Variants in HS2ST1 observed in about 807,000 individuals in gnomAD.
The protein encoded by HS2ST1 is 2-O-sulfotransferase.
A neutral mutation model predicts 42.9 loss-of-function variants in HS2ST1; 18 were observed. The ratio of observed to expected loss-of-function variants is 0.42; its 90% CI spans 0.29 to 0.62. The LOEUF (loss-of-function observed/expected upper bound fraction) is 0.62, where lower values mean the gene tolerates loss of function less well. HS2ST1 is among the 20% of genes least tolerant of loss of function. HS2ST1 has a pLI of 0.21. For missense variants in HS2ST1, 334 were observed against 433.8 expected (o/e 0.77, Z 2.04); for synonymous variants, 146 against 152.9 (o/e 0.95, Z 0.33).
At chr1:87,049,915 T>C (rs930832387) in intron 1 of HS2ST1, among the ~76,000 whole-genome samples, 1 of 152,098 alleles carries the variant, frequency 6.6e-6, no homozygotes, top group Non-Finnish European at 1.5e-5. Flanking sequence ...TCATATGTTT[T>C]TAAAACTCTC....
At chr1:87,082,233 TGAGATATCATTCATCCTCAG>T (rs1651711097) in intron 2 of HS2ST1, among the ~76,000 whole-genome samples, 1 of 152,130 alleles carries the variant, frequency 6.6e-6, no homozygotes, top group South Asian at 2.1e-4. Context: ...ACACATTGGA[TGAGATATCATTCATCCTCAG>T]GAGAGGGTTT....
chr1:87,060,756 A>G lies in HS2ST1; in HGVS notation c.125-12178A>G, dbSNP rs549989383. On this transcript the variant is annotated intron_variant, in intron 1 of 6. Transcript: ENST00000370550. ...TTCACATTGTTAAATTAATGTAATA[A>G]CTGTAGAAAAGTATAGCCATAGCCA... Among the ~76,000 whole-genome samples, 3 of 152,290 alleles carry G rather than the reference A, an allele frequency of 2.0e-5. No individual in the cohort carries two copies. In the South Asian group the frequency reaches 6.2e-4, roughly 32 times the overall value.
At chr1:86,920,409 A>G (rs924608960) in intron 1 of HS2ST1, among the ~76,000 whole-genome samples, 1 of 152,160 alleles carries the variant, frequency 6.6e-6, no homozygotes, top group East Asian at 1.9e-4. Context: ...AGATTTCCTC[A>G]CTTCTGAAAT....
Position 87,104,540 on chromosome 1 carries a change from G to C in HS2ST1, c.915G>C (p.Gln305His), listed in dbSNP as rs772130541. ...CTAAACAAACCATTGCAAAACTACA[G>C]CAATCTGATATTTGGAAAATGGAGA... ...LPTKQTIAKL[Q>H]QSDIWKMENE... The change falls in exon 7 of 7, where the codon CAG (glutamine) becomes CAC (histidine). Residue 305 changes from glutamine (Q) to histidine (H), a missense_variant. Gln to His is a conservative substitution (Grantham distance 24, BLOSUM62 0). Coordinates refer to ENST00000370550, the MANE Select transcript of HS2ST1 (RefSeq NM_012262.4). 6.2e-7 allele frequency: 1 copy of C among 1,613,368 alleles called. No homozygotes were observed. Among genetic ancestry groups the C allele is most frequent in the Admixed American group, 1.7e-5 (1 of 59,990 alleles).
intron 2 of HS2ST1, among the ~76,000 whole-genome samples, chr1:87,083,584 G>T (rs187057128): frequency 6.6e-6 from 1 of 151,820 alleles, no homozygotes; most frequent in South Asian, 2.1e-4. Flanking sequence ...TTTTGTGTAC[G>T]TTAATTCCAA....
intron 1 of HS2ST1, among the ~76,000 whole-genome samples, chr1:86,950,379 G>C (rs1048454989): frequency 2.0e-5 from 3 of 152,002 alleles, no homozygotes; most frequent in Admixed American, 6.6e-5. Flanking sequence ...TAGGTAGGTA[G>C]GTAGATAGAC....
chr1:87,057,916 G>A (rs1400264344), intron 1 of HS2ST1, among the ~76,000 whole-genome samples: 1 of 151,640 alleles, frequency 6.6e-6, no homozygotes, highest in Non-Finnish European at 1.5e-5. Flanking sequence ...ATACATCTGG[G>A]TGAAACTGAA....
intron 1 of HS2ST1, among the ~76,000 whole-genome samples, chr1:86,987,599 T>A (rs1045665826): frequency 6.6e-6 from 1 of 152,146 alleles, no homozygotes; most frequent in African/African-American, 2.4e-5. Flanking sequence ...ATTTTGGAGA[T>A]CTGGCTGCAG....
intron 1 of HS2ST1, among the ~76,000 whole-genome samples, chr1:87,040,509 T>G (rs948243477): frequency 3.9e-5 from 6 of 152,060 alleles, no homozygotes; most frequent in Non-Finnish European, 5.9e-5. Context: ...GAGCTTGTGG[T>G]GCATGGGGCA....
chr1:87,019,520 C>T (rs1649857331), intron 1 of HS2ST1, among the ~76,000 whole-genome samples: 1 of 152,148 alleles, frequency 6.6e-6, no homozygotes, highest in Non-Finnish European at 1.5e-5. Flanking sequence ...AGTCACAGTA[C>T]ATTAAATTGA....
intron 1 of HS2ST1, among the ~76,000 whole-genome samples, chr1:87,014,908 G>A (rs937089724): frequency 2.0e-5 from 3 of 152,038 alleles, no homozygotes; most frequent in Admixed American, 6.6e-5. Context: ...TACACACATT[G>A]TTTACTATGA....
chr1:87,054,631 C>T (rs1264259197), intron 1 of HS2ST1, among the ~76,000 whole-genome samples: 2 of 152,130 alleles, frequency 1.3e-5, no homozygotes, highest in African/African-American at 2.4e-5. Context: ...TGCTAGGAAG[C>T]AACTGCCCAC....
chr1:87,005,462 A>G (rs1255826925), intron 1 of HS2ST1, among the ~76,000 whole-genome samples: 2 of 152,224 alleles, frequency 1.3e-5, no homozygotes, highest in African/African-American at 4.8e-5. Flanking sequence ...TAACTACAAT[A>G]AAAGACAAAA....
rs1051861809 is a variant in HS2ST1, at chr1:87,107,497, T to C, written c.*2801T>C. Reference sequence around the variant, plus strand: ...GAACCACTGAGACAATAATGTATTTTTTTAAAGTGGCAAATGTGGTTTTCT... The same window carrying C: ...GAACCACTGAGACAATAATGTATTTCTTTAAAGTGGCAAATGTGGTTTTCT... On this transcript the variant is annotated 3_prime_UTR_variant, in exon 7 of 7. Coordinates refer to ENST00000370550, the MANE Select transcript of HS2ST1 (RefSeq NM_012262.4). The C allele has an allele frequency of 9.9e-5, 15 of 152,012 alleles. No homozygotes were observed. Among genetic ancestry groups the C allele is most frequent in the African/African-American group, 3.6e-4 (15 of 41,436 alleles). 9.4% of individuals were successfully genotyped at this position (152,012 alleles called of 1,614,324 possible). A position where few individuals can be genotyped will look rare whatever the true frequency, so the allele number is the denominator to read the frequency against.
At chr1:87,026,946 A>G (rs1650102912) in intron 1 of HS2ST1, among the ~76,000 whole-genome samples, 1 of 152,182 alleles carries the variant, frequency 6.6e-6, no homozygotes, top group African/African-American at 2.4e-5. Context: ...GGTTTTTCTA[A>G]TTTATGTTAA....
At chr1:87,098,221 CTGGGGG>C in intron 5 of HS2ST1, 4 of 92,594 alleles carry the variant, frequency 4.3e-5, no homozygotes, top group Non-Finnish European at 4.7e-5. Context: ...CTCTTAGAGA[CTGGGGG>C]TGGGGGTGGG....
Position 87,076,792 on chromosome 1 carries a change from CT to C in HS2ST1, c.363+3626del, listed in dbSNP as rs1651555108. Reference sequence around the variant, plus strand: ...TTTATGATTTTTCAAAAAAAGAATTCTTTTTTGCTCTCATATGTTTAGGTCT... The same window carrying C: ...TTTATGATTTTTCAAAAAAAGAATTCTTTTTGCTCTCATATGTTTAGGTCT... On this transcript the variant is annotated intron_variant, in intron 2 of 6. Transcript: ENST00000370550. 2.6e-5 allele frequency among the ~76,000 whole-genome samples: 4 copies of C among 152,186 alleles called. No individual in the cohort carries two copies. In the South Asian group the frequency reaches 8.3e-4, roughly 32 times the overall value.
intron 2 of HS2ST1, among the ~76,000 whole-genome samples, chr1:87,081,228 G>A (rs1400357140): frequency 2.0e-5 from 3 of 152,084 alleles, no homozygotes; most frequent in Non-Finnish European, 2.9e-5. Flanking sequence ...GATATTTACA[G>A]AACATTTCAT....
At chr1:87,095,234 A>C (rs1424802842) in intron 4 of HS2ST1, among the ~76,000 whole-genome samples, 3 of 152,172 alleles carry the variant, frequency 2.0e-5, no homozygotes. Context: ...TTGGGTGTTA[A>C]AGGGTGGCCA....
Sources: allele counts gnomAD v4.1 joint callset (sites outside exome capture counted in the v4.1 genomes callset), GRCh38; gene constraint gnomAD v4.1.1; transcripts MANE v1.5; gene names NCBI Gene and HGNC (gene_info 2026-07-23, HGNC 2026-07-21).